The following RBPMS variants were observed in gnomAD, a reference collection of about 807,000 sequenced individuals.
RBPMS encodes the protein RNA-binding protein with multiple splicing.
RBPMS carries 7 observed loss-of-function variants against 26.8 expected under a neutral mutation model. That is an observed-to-expected ratio of 0.26 (90% CI 0.15 to 0.49). The LOEUF (loss-of-function observed/expected upper bound fraction) is 0.49, where lower values mean the gene tolerates loss of function less well. RBPMS is among the 20% of genes least tolerant of loss of function. RBPMS has a pLI of 0.98. For synonymous variants in RBPMS, 96 were observed against 93.3 expected (o/e 1.03, Z -0.17); for missense variants, 186 against 250.0 (o/e 0.74, Z 1.73).
At chr8:30,547,991 C>G (rs16877140) in intron 6 of RBPMS, among the ~76,000 whole-genome samples, 260 of 152,350 alleles carry the variant, frequency 1.7e-3, no homozygotes, top group African/African-American at 6.0e-3. Flanking sequence ...TATTTGCCAT[C>G]AGATCCCGTT....
intron 1 of RBPMS, among the ~76,000 whole-genome samples, chr8:30,415,145 C>T (rs1382553461): frequency 6.6e-6 from 1 of 152,184 alleles, no homozygotes; most frequent in Non-Finnish European, 1.5e-5. Context: ...CCCTGTGTTC[C>T]TCCTCTCTAG....
rs557000148 is a variant in RBPMS, at chr8:30,506,348, A to G, written c.397+1912A>G. On this transcript the variant is annotated intron_variant, in intron 5 of 8. Coordinates refer to ENST00000397323, the MANE Select transcript of RBPMS (RefSeq NM_001008710.3). ...CAAATTTGAAGTTTAAAAAAAAAAA[A>G]AAAAAAAAAATCCAAGCAGCCAGCA... Among the ~76,000 whole-genome samples the G allele has an allele frequency of 1.9e-3, 290 of 152,042 alleles. 2 individuals are homozygous for G. Among genetic ancestry groups the G allele is most frequent in the African/African-American group, 6.7e-3 (279 of 41,470 alleles).
intron 8 of RBPMS, among the ~76,000 whole-genome samples, chr8:30,566,896 TCTTAGTAGTTCATGGTTTTAG>T (rs993516561): frequency 1.3e-5 from 2 of 152,212 alleles, no homozygotes; most frequent in East Asian, 1.9e-4. Context: ...ACTGTGGGCC[TCTTAGTAGTTCATGGTTTTAG>T]CTTAGTAGTT....
chr8:30,422,397 A>G (rs1045110889), intron 1 of RBPMS, among the ~76,000 whole-genome samples: 6 of 152,048 alleles, frequency 3.9e-5, no homozygotes, highest in Admixed American at 2.0e-4. Context: ...TACAGACTTG[A>G]GCTACTGCGC....
intron 6 of RBPMS, among the ~76,000 whole-genome samples, chr8:30,546,770 G>T (rs1825898143): frequency 6.6e-6 from 1 of 152,198 alleles, no homozygotes; most frequent in South Asian, 2.1e-4. Context: ...AAATGTATTT[G>T]TCCAGTATGA....
At chr8:30,541,290 C>G (rs1284553539) in intron 5 of RBPMS, among the ~76,000 whole-genome samples, 1 of 152,134 alleles carries the variant, frequency 6.6e-6, no homozygotes, top group Non-Finnish European at 1.5e-5. Flanking sequence ...CTTCATCAGA[C>G]GCTCTGCAGT....
intron 4 of RBPMS, among the ~76,000 whole-genome samples, chr8:30,499,225 A>C (rs1334997268): frequency 1.3e-5 from 2 of 152,136 alleles, no homozygotes; most frequent in Non-Finnish European, 2.9e-5. Context: ...CGCTGAGATC[A>C]TGCCGCTGCA....
chr8:30,562,005 A>G, intron 7 of RBPMS: 1 of 985,402 alleles, frequency 1.0e-6, no homozygotes. Context: ...TACGGCTAAT[A>G]GAAGCCCTAG....
chr8:30,553,680 C>T (rs1371021879), intron 6 of RBPMS: 3 of 152,194 alleles, frequency 2.0e-5, no homozygotes, highest in Non-Finnish European at 4.4e-5. Context: ...TGGAAACCTG[C>T]CTGAGAATAT....
intron 1 of RBPMS, chr8:30,387,335 C>T (rs1042683835): frequency 6.6e-6 from 1 of 152,094 alleles, no homozygotes; most frequent in South Asian, 2.1e-4. Context: ...GTAATTTTGC[C>T]TTAATTTCCT....
At chr8:30,500,325 A>C (rs1820419927) in intron 4 of RBPMS, among the ~76,000 whole-genome samples, 1 of 148,572 alleles carries the variant, frequency 6.7e-6, no homozygotes, top group Non-Finnish European at 1.5e-5. Flanking sequence ...CATACTACCA[A>C]ACATTGTTGA....
chr8:30,464,403 T>A (rs1278670793), intron 1 of RBPMS, among the ~76,000 whole-genome samples: 3 of 152,162 alleles, frequency 2.0e-5, no homozygotes. Context: ...TAACTAAATA[T>A]TGGGAAATAA....
intron 4 of RBPMS, among the ~76,000 whole-genome samples, chr8:30,497,604 T>A (rs535898928): frequency 6.6e-6 from 1 of 151,796 alleles, no homozygotes; most frequent in Admixed American, 6.6e-5. Context: ...AATGGTTTTT[T>A]TTGTTGTTGT....
intron 6 of RBPMS, among the ~76,000 whole-genome samples, chr8:30,554,054 G>C (rs138081089): frequency 0.011 from 1,723 of 152,330 alleles, 40 homozygotes; most frequent in African/African-American, 0.038. Context: ...GGGATTACAG[G>C]CATGAGCCAC....
chr8:30,505,552 TA>T (rs928577950), intron 5 of RBPMS, among the ~76,000 whole-genome samples: 2 of 152,000 alleles, frequency 1.3e-5, no homozygotes, highest in African/African-American at 4.8e-5. Flanking sequence ...CATAATAGAT[TA>T]AAAAAAATTA....
chr8:30,514,964 G>A (rs10112727), intron 5 of RBPMS, among the ~76,000 whole-genome samples: 11 of 152,040 alleles, frequency 7.2e-5, no homozygotes, highest in Non-Finnish European at 1.3e-4. Context: ...GTATGAAATG[G>A]AACAATGGAT....
intron 7 of RBPMS, chr8:30,562,238 G>A (rs1214134923): frequency 6.2e-6 from 1 of 162,460 alleles, no homozygotes; most frequent in East Asian, 1.9e-4. Context: ...GGCTGAGGCA[G>A]GAGAATCGCT....
chr8:30,461,561 A>T (rs1815903548), intron 1 of RBPMS, among the ~76,000 whole-genome samples: 1 of 151,962 alleles, frequency 6.6e-6, no homozygotes, highest in Non-Finnish European at 1.5e-5. Context: ...CGCCCTGCTA[A>T]TTTTTTGTAT....
chr8:30,525,984 C>T (rs1823538474), intron 5 of RBPMS, among the ~76,000 whole-genome samples: 1 of 152,124 alleles, frequency 6.6e-6, no homozygotes, highest in African/African-American at 2.4e-5. Flanking sequence ...CACTTAAATC[C>T]CAGATTAGTA....
Sources: allele counts gnomAD v4.1 joint callset (sites outside exome capture counted in the v4.1 genomes callset), GRCh38; gene constraint gnomAD v4.1.1; transcripts MANE v1.5; gene names NCBI Gene and HGNC (gene_info 2026-07-23, HGNC 2026-07-21).